DOCK5: variants seen among roughly 807,000 people sequenced by gnomAD.
DOCK5 encodes the protein dedicator of cytokinesis protein 5.
A neutral mutation model predicts 251.8 loss-of-function variants in DOCK5; 142 were observed. The ratio of observed to expected loss-of-function variants is 0.56; its 90% CI spans 0.49 to 0.65. The LOEUF (loss-of-function observed/expected upper bound fraction) is 0.65, where lower values mean the gene tolerates loss of function less well. Ranked by LOEUF, DOCK5 falls within the 30% of genes least tolerant of loss-of-function variation. The pLI is 0.00. For missense variants in DOCK5, 2,111 were observed against 2,312.3 expected, an observed-to-expected ratio of 0.91 and a Z score of 1.79; for synonymous variants, 842 against 835.5, an observed-to-expected ratio of 1.01 and a Z score of -0.13.
At chr8:25,365,724 C>T (rs1011708202) in intron 30 of DOCK5, among the ~76,000 whole-genome samples, 16 of 152,168 alleles carry the variant, frequency 1.1e-4, no homozygotes, top group South Asian at 6.2e-4. Flanking sequence ...AAGGGGTAGC[C>T]TCTGATCCTT....
At chr8:25,360,546 C>A (rs1800658840) in intron 28 of DOCK5, among the ~76,000 whole-genome samples, 2 of 152,236 alleles carry the variant, frequency 1.3e-5, no homozygotes, top group South Asian at 4.1e-4. Context: ...TCTGACCATT[C>A]CACTCCCTTG....
intron 30 of DOCK5, among the ~76,000 whole-genome samples, chr8:25,365,350 C>A (rs1430278768): frequency 6.6e-6 from 1 of 152,174 alleles, no homozygotes; most frequent in Non-Finnish European, 1.5e-5. Context: ...TTTCTGTGTT[C>A]TTTGTCTTTG....
At position 25,403,594 on chromosome 8, in the gene DOCK5, G is replaced by A; in HGVS notation, c.4963G>A (p.Gly1655Arg). Residue 1655 changes from glycine (G) to arginine (R), a missense_variant, in exon 48 of 52, where the codon GGG becomes AGG. Physicochemically the swap from Gly to Arg is moderately radical, Grantham distance 125. Coordinates refer to ENST00000276440, the MANE Select transcript of DOCK5 (RefSeq NM_024940.8). The stretch of plus-strand genomic sequence containing the variant: ...GACGGAGAGGAAGCAAAGCCGCACG[G>A]GGTCTATTGTGCTCCCCTACATCAT... ...NLTERKQSRT[G>R]SIVLPYIMSS... is the part of the protein sequence containing the mutation. 6.2e-7 allele frequency: 1 copy of A among 1,613,932 alleles called. No individual in the cohort carries two copies. The highest frequency in any genetic ancestry group is 1.1e-5 in the South Asian group (1 of 91,072).
chr8:25,194,659 C>T (rs1306133382), intron 1 of DOCK5, among the ~76,000 whole-genome samples: 1 of 152,110 alleles, frequency 6.6e-6, no homozygotes, highest in Non-Finnish European at 1.5e-5. Context: ...GTTCACTGGG[C>T]GTCTCCCAGT....
At chr8:25,331,797 TATATAGAGAGAG>T (rs752174081) in intron 18 of DOCK5, among the ~76,000 whole-genome samples, 3,007 of 39,852 alleles carry the variant, frequency 0.075, 46 homozygotes, top group African/African-American at 0.095. Context: ...TATATATATA[TATATAGAGAGAG>T]AGAGAGAGAG....
At chr8:25,409,826 A>G in intron 50 of DOCK5, 1 of 234,266 alleles carries the variant, frequency 4.3e-6, no homozygotes, top group Non-Finnish European at 8.5e-6. Flanking sequence ...AGCCTGGGCA[A>G]CAGAGCGAGA....
chr8:25,403,490 G>A, intron 47 of DOCK5, 68 bp from the exon 48 acceptor site: 1 of 1,544,772 alleles, frequency 6.5e-7, no homozygotes. Flanking sequence ...AGCAAACAGG[G>A]CAGCTGTGGC....
intron 11 of DOCK5, among the ~76,000 whole-genome samples, chr8:25,308,214 T>C (rs2709621): frequency 0.92 from 140,012 of 152,144 alleles, 64,500 homozygotes; most frequent in Middle Eastern, 0.98. Context: ...CAAGTGGAGC[T>C]TGTTTGGCAG....
intron 18 of DOCK5, among the ~76,000 whole-genome samples, chr8:25,331,799 TATAGAGAGAGAGAGAGAGAGAGAG>T (rs1280093407): frequency 6.1e-4 from 30 of 48,988 alleles, no homozygotes; most frequent in South Asian, 1.9e-3. Flanking sequence ...TATATATATA[TATAGAGAGAGAGAGAGAGAGAGAG>T]AGAGAGAGAG....
intron 2 of DOCK5, among the ~76,000 whole-genome samples, chr8:25,245,628 G>A (rs557213046): frequency 6.6e-6 from 1 of 150,418 alleles, no homozygotes; most frequent in African/African-American, 2.4e-5. Context: ...CAACCTCCAC[G>A]TCCTGGGTTC....
chr8:25,235,354 G>C (rs770227201), intron 1 of DOCK5, among the ~76,000 whole-genome samples: 16 of 151,934 alleles, frequency 1.1e-4, no homozygotes, highest in Non-Finnish European at 1.8e-4. Flanking sequence ...TCAACCTCCT[G>C]GGCTCAAGCG....
At chr8:25,360,491 CGGGTAAGAGCACA>C in intron 28 of DOCK5, among the ~76,000 whole-genome samples, 1 of 152,202 alleles carries the variant, frequency 6.6e-6, no homozygotes, top group South Asian at 2.1e-4. Flanking sequence ...GGTGGTGTAG[CGGGTAAGAGCACA>C]GGCCTTAGAA....
rs546770553 is a variant in DOCK5 at position 25,215,863 on chromosome 8, C to A, written c.44-27811C>A. On this transcript the variant is annotated intron_variant, in intron 1 of 51. Transcript: ENST00000276440. ...GATAGAGAAAAGGTTATTGTCATTT[C>A]TATATTAGATTATTAAAAGTAACAC... Among the ~76,000 whole-genome samples, 4 of 150,138 alleles carry A rather than the reference C, an allele frequency of 2.7e-5. No individual in the cohort carries two copies. The East Asian group carries it at 7.9e-4, about 30-fold the overall frequency.
chr8:25,381,026 A>AAT lies in DOCK5; in HGVS notation c.4026+632_4026+633insAT, dbSNP rs1382073297. ...TAGGCAGACACCATTCTGAATGCCC[A>AAT]GTGGAAGGCAGCCACCATTCCAAAT... is the stretch of plus-strand genomic sequence containing the variant. On this transcript the variant is annotated intron_variant, in intron 39 of 51. Coordinates refer to ENST00000276440, the MANE Select transcript of DOCK5 (RefSeq NM_024940.8). 9.3e-4 allele frequency among the ~76,000 whole-genome samples: 142 copies of AAT among 152,032 alleles called. 1 individual carries two copies. Among genetic ancestry groups the AAT allele is most frequent in the African/African-American group, 3.4e-3 (139 of 41,440 alleles).
chr8:25,310,559 T>C, intron 13 of DOCK5, 27 bp downstream of exon 13: 1 of 1,586,432 alleles, frequency 6.3e-7, no homozygotes. Context: ...GCTCACCTGT[T>C]TGCTTCCTCC....
chr8:25,390,802 A>G (rs1476710749), intron 42 of DOCK5, among the ~76,000 whole-genome samples: 2 of 136,826 alleles, frequency 1.5e-5, no homozygotes, highest in Non-Finnish European at 3.2e-5. Flanking sequence ...GTGTAAGTGC[A>G]TACACCTTTT....
At position 25,311,648 on chromosome 8, in the gene DOCK5, A is replaced by G. The variant is rs149761571; in HGVS notation, c.1318+1116A>G. On this transcript the variant is annotated intron_variant, in intron 13 of 51. Transcript: ENST00000276440. The stretch of plus-strand genomic sequence containing the variant: ...AAATTCAGGTTATTTTAGGCCAGGC[A>G]TGGTGGCTCACGTCTGTAATCCCAG... Among the ~76,000 whole-genome samples the G allele has an allele frequency of 7.3e-4, 111 of 152,186 alleles. No individual in the cohort carries two copies. In the East Asian group the frequency reaches 0.013, roughly 17 times the overall value.
intron 30 of DOCK5, 59 bp from the exon 31 acceptor site, chr8:25,366,811 A>C: frequency 5.5e-6 from 7 of 1,284,248 alleles, no homozygotes; most frequent in Non-Finnish European, 7.8e-6. Flanking sequence ...TTGTTTTATT[A>C]TGGCCCTTAT....
intron 1 of DOCK5, among the ~76,000 whole-genome samples, chr8:25,194,129 C>CAAAA (rs34709261): frequency 1.4e-5 from 2 of 139,108 alleles, no homozygotes; most frequent in African/African-American, 5.5e-5. Flanking sequence ...CTAAAAAATA[C>CAAAA]AAAAAAAAAA....
Sources: gnomAD v4.1 joint callset for allele counts (sites outside exome capture counted in the v4.1 genomes callset) on GRCh38, gnomAD v4.1.1 for gene constraint, MANE v1.5 for transcripts, NCBI Gene and HGNC (gene_info 2026-07-23, HGNC 2026-07-21) for gene names.